The following PDE11A variants were observed in gnomAD, a reference collection of about 807,000 sequenced individuals.
The protein encoded by PDE11A is dual 3',5'-cyclic-AMP and -GMP phosphodiesterase 11A.
In PDE11A, 100 loss-of-function variants were observed where a neutral mutation model predicts 100.5. That is an observed-to-expected ratio of 1.00 (90% CI 0.85 to 1.18). The LOEUF is 1.18. PDE11A is among the 50% of genes most tolerant of loss of function. The pLI, the probability that PDE11A is intolerant of heterozygous loss-of-function variation, is 0.00. For missense variants in PDE11A, 1,141 were observed against 1,152.6 expected (o/e 0.99, Z 0.15); for synonymous variants, 381 against 420.8 (o/e 0.91, Z 1.16).
chr2:177,683,512 A>G (rs149474491), intron 15 of PDE11A: 1 of 152,254 alleles, frequency 6.6e-6, no homozygotes, highest in East Asian at 1.9e-4. Flanking sequence ...CCGCCTGCGC[A>G]TTGGGAGGAT....
chr2:177,991,489 G>A (rs918102521), intron 2 of PDE11A, among the ~76,000 whole-genome samples: 3 of 150,160 alleles, frequency 2.0e-5, no homozygotes, highest in African/African-American at 7.4e-5. Context: ...CAAAAAATTA[G>A]CCAGGCGTGG....
chr2:177,659,314 T>G (rs11680632), intron 19 of PDE11A, among the ~76,000 whole-genome samples: 115,061 of 148,438 alleles, frequency 0.78, 45,197 homozygotes, highest in East Asian at 0.89. Context: ...AAAATCAAAG[T>G]TTACTGTAAA....
At chr2:178,105,275 G>A (rs1265835458) in intron 1 of PDE11A, among the ~76,000 whole-genome samples, 1 of 152,034 alleles carries the variant, frequency 6.6e-6, no homozygotes, top group African/African-American at 2.4e-5. Flanking sequence ...GCCCGGCCAA[G>A]ATGGTGAAAC....
intron 19 of PDE11A, among the ~76,000 whole-genome samples, chr2:177,632,404 T>C (rs557139791): frequency 2.0e-5 from 3 of 152,336 alleles, no homozygotes; most frequent in South Asian, 4.1e-4. Flanking sequence ...TTCTGACTTA[T>C]TCATACCCAT....
intron 19 of PDE11A, among the ~76,000 whole-genome samples, chr2:177,630,254 T>A (rs1191976078): frequency 6.6e-6 from 1 of 152,182 alleles, no homozygotes; most frequent in Admixed American, 6.5e-5. Context: ...GGCTTCAGCA[T>A]CCTCACTTGT....
In PDE11A at chr2:177,721,203, C is replaced by T. The variant is rs139680964; in HGVS notation, c.2043+6455G>A. 3.3e-3 allele frequency among the ~76,000 whole-genome samples: 496 copies of T among 151,970 alleles called. 4 individuals carry two copies. Among genetic ancestry groups the T allele is most frequent in the African/African-American group, 0.012 (477 of 41,442 alleles). ...ATAGAATACCATTAATATAATGAAC[C>T]CAGTGCAGTCATTGCCTAACTTCAG... On this transcript the variant is annotated intron_variant, in intron 12 of 19. Transcript: ENST00000286063.
chr2:177,820,296 C>T lies in PDE11A; in HGVS notation c.1501-1G>A, dbSNP rs753639471. On this transcript the variant is annotated splice_acceptor_variant, in intron 6 of 19. Coordinates refer to ENST00000286063, the MANE Select transcript of PDE11A (RefSeq NM_016953.4). LOFTEE classifies it high-confidence loss of function. ...TGTGAAAACCAGATATCTGGTCTGC[C>T]TAGGAAACAAGAAAGAAGTTAATTA... is the stretch of plus-strand genomic sequence containing the variant. 1.1e-5 allele frequency: 17 copies of T among 1,547,646 alleles called. No individual in the cohort carries two copies. In the African/African-American group the frequency reaches 2.0e-4, roughly 19 times the overall value.
intron 2 of PDE11A, among the ~76,000 whole-genome samples, chr2:177,946,258 C>T (rs1393781930): frequency 4.4e-5 from 6 of 135,602 alleles, no homozygotes; most frequent in Non-Finnish European, 6.6e-5. Context: ...CCCGGCCAGC[C>T]GCCCCGTCCG....
chr2:177,913,343 T>G (rs2084908861), intron 2 of PDE11A, among the ~76,000 whole-genome samples: 1 of 152,180 alleles, frequency 6.6e-6, no homozygotes, highest in South Asian at 2.1e-4. Flanking sequence ...ACAACTTATA[T>G]AGCGCTTTTC....
chr2:178,055,745 T>C (rs909391283), intron 1 of PDE11A, among the ~76,000 whole-genome samples: 8 of 152,244 alleles, frequency 5.3e-5, no homozygotes, highest in South Asian at 2.1e-4. Flanking sequence ...CAGGAAGAGA[T>C]AGAAAGAAAA....
chr2:177,660,083 C>CT lies in PDE11A; in HGVS notation c.2646+3782dup, dbSNP rs1356048572. On this transcript the variant is annotated intron_variant, in intron 19 of 19. Transcript: ENST00000286063. ...TCTTTCTTTCTTTCTTTCTTTCTTT[C>CT]TTTCTTTCTTTCTTTCTCTCTCTCT... Among the ~76,000 whole-genome samples the CT allele has an allele frequency of 1.1e-4, 4 of 37,502 alleles. 1 individual carries two copies. Among genetic ancestry groups the CT allele is most frequent in the Non-Finnish European group, 2.3e-4 (4 of 17,190 alleles). The allele number at this position is 37,502 out of a possible 152,430, so 24.6% of individuals were successfully genotyped here.
chr2:177,998,145 T>A lies in PDE11A; in HGVS notation c.1071+16157A>T, dbSNP rs1349879211. On this transcript the variant is annotated intron_variant, in intron 2 of 19. Coordinates refer to ENST00000286063, the MANE Select transcript of PDE11A (RefSeq NM_016953.4). Reference sequence around the variant, plus strand: ...CCACCAACTTTACAAGTTGCTGTCTTCCACTTACTGTCTGTAAGCTTTTTA... The same window carrying A: ...CCACCAACTTTACAAGTTGCTGTCTACCACTTACTGTCTGTAAGCTTTTTA... The A allele has an allele frequency of 2.9e-6, 3 of 1,050,908 alleles. No homozygotes were observed. The Admixed American group carries it at 5.1e-5, about 18-fold the overall frequency. 65.1% of individuals were successfully genotyped at this position (1,050,908 alleles called of 1,614,324 possible). A position where few individuals can be genotyped will look rare whatever the true frequency, so the allele number is the denominator to read the frequency against.
chr2:177,994,079 C>A (rs1293800534), intron 2 of PDE11A, among the ~76,000 whole-genome samples: 1 of 152,004 alleles, frequency 6.6e-6, no homozygotes, highest in East Asian at 1.9e-4. Context: ...TACAGGCACC[C>A]ACCACCACAT....
chr2:178,032,581 T>G lies in PDE11A; in HGVS notation c.913-18121A>C, dbSNP rs187827778. ...CAGAATGCCTCCTCAAGTGGGTCCC[T>G]GACCCCTGTGCCTCCTTACTGGGAG... On this transcript the variant is annotated intron_variant, in intron 1 of 19. Coordinates refer to ENST00000286063, the MANE Select transcript of PDE11A (RefSeq NM_016953.4). 1.4e-3 allele frequency among the ~76,000 whole-genome samples: 216 copies of G among 152,192 alleles called. 1 individual carries two copies. Among genetic ancestry groups the G allele is most frequent in the African/African-American group, 4.2e-3 (176 of 41,514 alleles).
intron 2 of PDE11A, among the ~76,000 whole-genome samples, chr2:177,908,983 C>G (rs1036516253): frequency 2.6e-5 from 4 of 152,036 alleles, no homozygotes; most frequent in Non-Finnish European, 5.9e-5. Context: ...TTTCATCTAC[C>G]CCACTGTGTC....
At chr2:178,104,160 G>T in intron 2 of PDE11A, 2 of 770,236 alleles carry the variant, frequency 2.6e-6, no homozygotes, top group South Asian at 1.5e-5. Flanking sequence ...CAGGTCTTAT[G>T]ATATAAATCC....
chr2:177,855,968 G>C lies in PDE11A; in HGVS notation c.1368-15585C>G, dbSNP rs528060009. Among the ~76,000 whole-genome samples the C allele has an allele frequency of 9.8e-4, 148 of 150,962 alleles. 1 individual carries two copies. Among genetic ancestry groups the C allele is most frequent in the African/African-American group, 3.6e-3 (148 of 41,084 alleles). On this transcript the variant is annotated intron_variant, in intron 5 of 19. Transcript: ENST00000286063. ...CACACACACTACTGTAAGAATGTCT[G>C]GGAAAGAACTGAGAAGGCTCTCACC... is the stretch of plus-strand genomic sequence containing the variant.
chr2:177,631,322 A>AAAAAAAAC (rs1469522170), intron 19 of PDE11A, among the ~76,000 whole-genome samples: 13 of 16,890 alleles, frequency 7.7e-4, no homozygotes, highest in East Asian at 6.2e-3. Flanking sequence ...AAAAAAAAAA[A>AAAAAAAAC]CAACCTAGGC....
intron 10 of PDE11A, among the ~76,000 whole-genome samples, chr2:177,762,114 A>G (rs568102221): frequency 6.6e-6 from 1 of 152,234 alleles, no homozygotes; most frequent in Admixed American, 6.5e-5. Flanking sequence ...CAGGAGCAGG[A>G]GATGTTTGGA....
Sources: gnomAD v4.1 joint callset for allele counts (sites outside exome capture counted in the v4.1 genomes callset) on GRCh38, gnomAD v4.1.1 for gene constraint, MANE v1.5 for transcripts, NCBI Gene and HGNC (gene_info 2026-07-23, HGNC 2026-07-21) for gene names.